TGM6: variants seen among roughly 807,000 people sequenced by gnomAD.
The protein encoded by TGM6 is transglutaminase 6.
TGM6 carries 74 observed loss-of-function variants against 77.5 expected under a neutral mutation model. The observed-to-expected ratio is 0.96, with a 90% CI of 0.79 to 1.16. The LOEUF (loss-of-function observed/expected upper bound fraction) is 1.16. Among genes scored for constraint, TGM6 ranks in the 50% most tolerant of loss-of-function variants. The pLI, the probability that TGM6 is intolerant of heterozygous loss-of-function variation, is 0.00. For synonymous variants in TGM6, 383 were observed against 378.9 expected (o/e 1.01, Z -0.12); for missense variants, 968 against 940.2 (o/e 1.03, Z -0.39).
Position 2,400,364 on chromosome 20 carries a change from C to T in TGM6, c.909C>T (p.Asp303=). The T allele has an allele frequency of 6.2e-7, 1 of 1,614,238 alleles. No homozygotes were observed. Among genetic ancestry groups the T allele is most frequent in the Non-Finnish European group, 8.5e-7 (1 of 1,180,048 alleles). Residue 303 remains aspartate (D), a synonymous_variant, in exon 7 of 13, where the codon GAC becomes GAT. Transcript: ENST00000202625. ...RVVSNFNSAH[D]TDQNLSVDKY... is the part of the protein sequence containing the mutation. Reference sequence around the variant, plus strand: ...TGTCCAACTTCAACTCAGCCCACGACACAGACCAGAACCTGAGTGTGGACA... The same window carrying T: ...TGTCCAACTTCAACTCAGCCCACGATACAGACCAGAACCTGAGTGTGGACA...
chr20:2,393,742 G>C (rs915872231), intron 1 of TGM6, among the ~76,000 whole-genome samples: 2 of 151,958 alleles, frequency 1.3e-5, no homozygotes, highest in Non-Finnish European at 2.9e-5. Context: ...CCCCAGGGTG[G>C]TCTCGAGCTC....
rs2084727622 is a variant in TGM6, at chr20:2,403,605, C to T, written c.1118C>T (p.Ser373Leu). 3 of 1,614,058 alleles carry T rather than the reference C, an allele frequency of 1.9e-6. No individual in the cohort carries two copies. Among genetic ancestry groups the T allele is most frequent in the African/African-American group, 1.3e-5 (1 of 74,934 alleles). The change falls in exon 9 of 13, where the codon TCA becomes TTA. Residue 373 changes from serine (S) to leucine (L), a missense_variant. Ser to Leu is a moderately radical substitution (Grantham distance 145). Transcript: ENST00000202625. The stretch of plus-strand genomic sequence containing the variant: ...GGTGTGTTCCGGTGCGGCCCAGCCT[C>T]AGTCACCGCCATCCGCGAGGGTGAT... ...SEGVFRCGPASVTAIREGDVH... is the reference protein window; with the variant it reads ...SEGVFRCGPALVTAIREGDVH...
rs375595045 is a variant in TGM6, at chr20:2,399,723, G to T, written c.835G>T (p.Gly279Ter). 18 of 1,613,952 alleles carry T rather than the reference G, an allele frequency of 1.1e-5. No individual in the cohort carries two copies. Among genetic ancestry groups the T allele is most frequent in the South Asian group, 3.3e-5 (3 of 91,066 alleles). The part of the protein sequence containing the change: ...VKYGQCWVFA[G>*]VLCTVLRCLG... The stretch of plus-strand genomic sequence containing the variant: ...GTACGGCCAGTGCTGGGTCTTCGCC[G>T]GAGTCCTGTGCACAGGTACCCTGGG... The change falls in exon 6 of 13, where the codon GGA becomes TGA. Residue 279 changes from glycine to a stop codon, truncating the protein, a stop_gained. Coordinates refer to ENST00000202625, the MANE Select transcript of TGM6 (RefSeq NM_198994.3). LOFTEE classifies it high-confidence loss of function.
chr20:2,411,901 A>G (rs1468979547), intron 9 of TGM6, among the ~76,000 whole-genome samples: 1 of 152,240 alleles, frequency 6.6e-6, no homozygotes, highest in Non-Finnish European at 1.5e-5. Context: ...TAGAATTATC[A>G]TACAATCCAG....
chr20:2,414,652 A>G (rs1051947617), intron 9 of TGM6, among the ~76,000 whole-genome samples: 1 of 152,220 alleles, frequency 6.6e-6, no homozygotes, highest in African/African-American at 2.4e-5. Context: ...AAAAGTAGAA[A>G]CAGCTCAAAT....
chr20:2,430,535 G>T lies in TGM6; in HGVS notation c.1768G>T (p.Val590Phe). The change falls in exon 11 of 13, where the codon GTC (valine) becomes TTC (phenylalanine). Residue 590 changes from valine to phenylalanine, a missense_variant. Coordinates refer to ENST00000202625, the MANE Select transcript of TGM6 (RefSeq NM_198994.3). ...KKILLAAMCLVTKGEKLLVEK... is the reference protein window; with the variant it reads ...KKILLAAMCLFTKGEKLLVEK... ...GATCCTGTTGGCTGCCATGTGCCTT[G>T]TCACCAAAGGAGAGAAGCTTCTGGT... 6.2e-7 allele frequency: 1 copy of T among 1,614,202 alleles called. No individual in the cohort carries two copies. The highest frequency in any genetic ancestry group is 8.5e-7 in the Non-Finnish European group (1 of 1,180,030).
At chr20:2,397,770 A>AG in intron 4 of TGM6, 148 bp from the exon 5 acceptor site, 1 of 1,249,402 alleles carries the variant, frequency 8.0e-7, no homozygotes, top group Non-Finnish European at 1.2e-6. Flanking sequence ...TTCCAAGACT[A>AG]GGGGGTGCTC....
chr20:2,414,479 C>G (rs1303347925), intron 9 of TGM6, among the ~76,000 whole-genome samples: 5 of 152,130 alleles, frequency 3.3e-5, no homozygotes, highest in Non-Finnish European at 4.4e-5. Context: ...TACAATTGTG[C>G]AGCCACTTTG....
intron 3 of TGM6, 110 bp downstream of exon 3, chr20:2,395,546 CCAAGAGCTGGG>C: frequency 6.3e-7 from 1 of 1,587,710 alleles, no homozygotes; most frequent in Non-Finnish European, 8.6e-7. Flanking sequence ...AAGCTGAATG[CCAAGAGCTGGG>C]CAAGAACTTA....
chr20:2,423,015 G>A (rs372945296), intron 10 of TGM6, among the ~76,000 whole-genome samples: 41 of 151,482 alleles, frequency 2.7e-4, no homozygotes, highest in East Asian at 1.8e-3. Context: ...GCTGGTGGAA[G>A]GTCTTGCCTC....
chr20:2,388,068 C>T (rs187094117), intron 1 of TGM6, among the ~76,000 whole-genome samples: 179 of 152,256 alleles, frequency 1.2e-3, no homozygotes, highest in Non-Finnish European at 2.1e-3. Context: ...TTAGAAGTCA[C>T]AATGTGTCAC....
In TGM6 at chr20:2,396,631, A is replaced by G. The variant is rs755777005; in HGVS notation, c.543+7A>G. On this transcript the variant is annotated splice_region_variant and intron_variant, in intron 4 of 12. Coordinates refer to ENST00000202625, the MANE Select transcript of TGM6 (RefSeq NM_198994.3). ...GGGCTGGAACTACGGGCAGGTCTCC[A>G]GGGGCACAGGCCAGACAAGGATGTG... The G allele has an allele frequency of 1.6e-5, 26 of 1,613,694 alleles. No homozygotes were observed. Among genetic ancestry groups the G allele is most frequent in the Non-Finnish European group, 2.2e-5 (26 of 1,179,720 alleles).
rs762517206 is a variant in TGM6 at position 2,403,396 on chromosome 20, G to C, written c.990-1G>C. Reference sequence around the variant, plus strand: ...CTTCACCCATCCTCTCTCTGTGGCAGGAATTTCCATGTCTGGAATGAGAGC... The same window carrying C: ...CTTCACCCATCCTCTCTCTGTGGCACGAATTTCCATGTCTGGAATGAGAGC... On this transcript the variant is annotated splice_acceptor_variant, in intron 7 of 12. Coordinates refer to ENST00000202625, the MANE Select transcript of TGM6 (RefSeq NM_198994.3). LOFTEE classifies it high-confidence loss of function. 49 of 1,614,028 alleles carry C rather than the reference G, an allele frequency of 3.0e-5. No homozygotes were observed. The highest frequency in any genetic ancestry group is 4.2e-5 in the Non-Finnish European group (49 of 1,180,022).
At chr20:2,398,116 C>A in intron 5 of TGM6, 70 bp downstream of exon 5, 1 of 1,612,162 alleles carries the variant, frequency 6.2e-7, no homozygotes, top group Non-Finnish European at 8.5e-7. Context: ...GGGCCACAAC[C>A]TGTGATTCTT....
intron 10 of TGM6, among the ~76,000 whole-genome samples, chr20:2,421,319 C>T (rs1003764922): frequency 2.0e-5 from 3 of 152,192 alleles, no homozygotes; most frequent in East Asian, 1.9e-4. Flanking sequence ...TACCAAGGAG[C>T]ACACTTGCTG....
At chr20:2,386,332 C>T (rs1396139803) in intron 1 of TGM6, among the ~76,000 whole-genome samples, 1 of 152,042 alleles carries the variant, frequency 6.6e-6, no homozygotes, top group Non-Finnish European at 1.5e-5. Flanking sequence ...GGGACAGATT[C>T]CACAGGGATC....
chr20:2,425,316 T>TA (rs1250819452), intron 10 of TGM6, among the ~76,000 whole-genome samples: 1 of 151,166 alleles, frequency 6.6e-6, no homozygotes, highest in Non-Finnish European at 1.5e-5. Flanking sequence ...CCACTGCACT[T>TA]ACAGCCTGGG....
At position 2,391,924 on chromosome 20, in the gene TGM6, G is replaced by A. The variant is rs535883105; in HGVS notation, c.8-2528G>A. On this transcript the variant is annotated intron_variant, in intron 1 of 12. Coordinates refer to ENST00000202625, the MANE Select transcript of TGM6 (RefSeq NM_198994.3). Reference sequence around the variant, plus strand: ...TTTAGAAGTCACCATGCTTCCTCCTGTCTCTCTGCCTAGCGCCATAGCTGC... The same window carrying A: ...TTTAGAAGTCACCATGCTTCCTCCTATCTCTCTGCCTAGCGCCATAGCTGC... Among the ~76,000 whole-genome samples, 9 of 152,272 alleles carry A rather than the reference G, an allele frequency of 5.9e-5. No homozygotes were observed. In the South Asian group the frequency reaches 1.9e-3, roughly 32 times the overall value.
rs201024326 is a variant in TGM6 at position 2,403,483 on chromosome 20, C to G, written c.1076C>G (p.Pro359Arg). Reference protein sequence around the residue: ...YNGWQVLDATPQEESEGVFRC... With the variant: ...YNGWQVLDATRQEESEGVFRC... ...GGCTGGCAGGTTCTGGATGCCACCC[C>G]CCAGGAGGAGAGTGAAGGTACGCTC... is the stretch of plus-strand genomic sequence containing the variant. Residue 359 changes from proline (P) to arginine (R), a missense_variant, in exon 8 of 13, where the codon CCC becomes CGC. Physicochemically the swap from Pro to Arg is moderately radical, Grantham distance 103. Transcript: ENST00000202625. 2 of 1,614,152 alleles carry G rather than the reference C, an allele frequency of 1.2e-6. No homozygotes were observed. The highest frequency in any genetic ancestry group is 1.6e-4 in the Middle Eastern group (1 of 6,062).
Sources: gnomAD v4.1 joint callset for allele counts (sites outside exome capture counted in the v4.1 genomes callset) on GRCh38, gnomAD v4.1.1 for gene constraint, MANE v1.5 for transcripts, NCBI Gene and HGNC (gene_info 2026-07-23, HGNC 2026-07-21) for gene names.